The following MARCHF1 variants were observed in gnomAD, a reference collection of about 807,000 sequenced individuals.
The protein encoded by MARCHF1 is E3 ubiquitin-protein ligase MARCHF1.
In MARCHF1, 40 loss-of-function variants were observed where a neutral mutation model predicts 54.2. The observed-to-expected ratio is 0.74, with a 90% CI of 0.57 to 0.96. The LOEUF is 0.96. Ranked by LOEUF, MARCHF1 falls within the 40% of genes least tolerant of loss-of-function variation. The pLI, the probability that MARCHF1 is intolerant of heterozygous loss-of-function variation, is 0.00. For missense variants in MARCHF1, 586 were observed against 656.5 expected (o/e 0.89, Z 1.17); for synonymous variants, 236 against 236.3 (o/e 1.00, Z 0.01).
At chr4:164,020,739 C>G (rs1753644968) in intron 2 of MARCHF1, among the ~76,000 whole-genome samples, 1 of 152,050 alleles carries the variant, frequency 6.6e-6, no homozygotes, top group Non-Finnish European at 1.5e-5. Context: ...GAGAACAGCC[C>G]AGGCAACACG....
chr4:163,543,885 C>T (rs1738805246), intron 9 of MARCHF1, among the ~76,000 whole-genome samples: 2 of 152,110 alleles, frequency 1.3e-5, no homozygotes. Flanking sequence ...AAGAGCTCTG[C>T]AGTTTACTAC....
chr4:163,773,373 T>C (rs1345787853), intron 4 of MARCHF1, among the ~76,000 whole-genome samples: 8 of 152,188 alleles, frequency 5.3e-5, no homozygotes, highest in Admixed American at 5.2e-4. Flanking sequence ...GTGAAATGAA[T>C]ATGAACTAAA....
intron 1 of MARCHF1, among the ~76,000 whole-genome samples, chr4:164,286,986 T>C (rs1734166650): frequency 6.7e-6 from 1 of 149,974 alleles, no homozygotes; most frequent in African/African-American, 2.4e-5. Flanking sequence ...GGTTGAGGTC[T>C]GAGTATTCCT....
intron 4 of MARCHF1, among the ~76,000 whole-genome samples, chr4:163,801,302 T>A (rs1211303821): frequency 6.6e-6 from 1 of 151,912 alleles, no homozygotes; most frequent in East Asian, 1.9e-4. Flanking sequence ...ATCCATAAAT[T>A]TATGACCACA....
chr4:164,089,323 C>A (rs1045646700), intron 2 of MARCHF1, among the ~76,000 whole-genome samples: 1 of 152,022 alleles, frequency 6.6e-6, no homozygotes, highest in Admixed American at 6.6e-5. Context: ...GTCTTCATAT[C>A]TGTACTCATG....
chr4:164,242,825 A>T (rs1391954647), intron 1 of MARCHF1, among the ~76,000 whole-genome samples: 2 of 151,854 alleles, frequency 1.3e-5, no homozygotes, highest in African/African-American at 4.8e-5. Flanking sequence ...GAACTACGTG[A>T]AGAATGCAGA....
chr4:164,052,003 A>T (rs543879313), intron 2 of MARCHF1, among the ~76,000 whole-genome samples: 1 of 152,326 alleles, frequency 6.6e-6, no homozygotes. Context: ...GAATTTATTT[A>T]TCTATCTAGC....
intron 1 of MARCHF1, among the ~76,000 whole-genome samples, chr4:164,210,381 G>C (rs1024605428): frequency 4.6e-5 from 7 of 152,102 alleles, no homozygotes; most frequent in African/African-American, 1.4e-4. Flanking sequence ...TCTAGCATGA[G>C]CAACTCGAAT....
chr4:163,745,618 C>T (rs1338438310), intron 4 of MARCHF1, among the ~76,000 whole-genome samples: 1 of 152,158 alleles, frequency 6.6e-6, no homozygotes, highest in Non-Finnish European at 1.5e-5. Flanking sequence ...ACCTTTTACC[C>T]TCAAACAATA....
At chr4:163,796,156 A>G (rs1012253889) in intron 4 of MARCHF1, among the ~76,000 whole-genome samples, 1 of 151,860 alleles carries the variant, frequency 6.6e-6, no homozygotes, top group Admixed American at 6.6e-5. Context: ...TGTGTTGTTC[A>G]AGGGTCAATT....
At chr4:164,373,898 T>G (rs1731110388) in intron 1 of MARCHF1, among the ~76,000 whole-genome samples, 1 of 152,076 alleles carries the variant, frequency 6.6e-6, no homozygotes, top group Non-Finnish European at 1.5e-5. Context: ...GAGGTAAAAA[T>G]GTAGATTACT....
At chr4:164,332,725 C>T (rs144689068) in intron 1 of MARCHF1, among the ~76,000 whole-genome samples, 33 of 152,144 alleles carry the variant, frequency 2.2e-4, no homozygotes, top group Non-Finnish European at 4.3e-4. Flanking sequence ...CATGATTAAC[C>T]GGGCATCTGT....
chr4:164,105,335 T>C (rs1755667692), intron 2 of MARCHF1, among the ~76,000 whole-genome samples: 1 of 146,144 alleles, frequency 6.8e-6, no homozygotes, highest in African/African-American at 2.5e-5. Context: ...AGAACAAAGC[T>C]GGAGGCATCA....
intron 1 of MARCHF1, among the ~76,000 whole-genome samples, chr4:164,349,620 G>C (rs189935732): frequency 6.6e-6 from 1 of 152,080 alleles, no homozygotes; most frequent in African/African-American, 2.4e-5. Context: ...GAGAGTAAAA[G>C]TTTTCATAAG....
At chr4:163,936,437 A>G (rs1751797105) in intron 3 of MARCHF1, among the ~76,000 whole-genome samples, 2 of 152,188 alleles carry the variant, frequency 1.3e-5, no homozygotes, top group African/African-American at 4.8e-5. Flanking sequence ...GTGCCTGTAT[A>G]TATACTGTTG....
chr4:163,976,078 G>A (rs892925702), intron 3 of MARCHF1, among the ~76,000 whole-genome samples: 10 of 152,150 alleles, frequency 6.6e-5, no homozygotes. Context: ...CTGTTTGGGG[G>A]AAATAAAAGT....
At chr4:163,614,371 G>A (rs1227791138) in intron 5 of MARCHF1, among the ~76,000 whole-genome samples, 1 of 152,018 alleles carries the variant, frequency 6.6e-6, no homozygotes, top group African/African-American at 2.4e-5. Context: ...AAAAATTGGG[G>A]CTGCTTCTCA....
intron 1 of MARCHF1, among the ~76,000 whole-genome samples, chr4:164,292,046 C>T (rs935131396): frequency 6.6e-6 from 1 of 151,964 alleles, no homozygotes; most frequent in Non-Finnish European, 1.5e-5. Context: ...TTTTTTCATA[C>T]TTTATTGAAT....
chr4:164,098,030 T>C (rs753882618), intron 2 of MARCHF1, among the ~76,000 whole-genome samples: 3 of 152,158 alleles, frequency 2.0e-5, no homozygotes, highest in Admixed American at 1.3e-4. Flanking sequence ...CACTAGCTTC[T>C]ACCATGGGAT....
Sources: gnomAD v4.1 joint callset for allele counts (sites outside exome capture counted in the v4.1 genomes callset) on GRCh38, gnomAD v4.1.1 for gene constraint, MANE v1.5 for transcripts, NCBI Gene and HGNC (gene_info 2026-07-23, HGNC 2026-07-21) for gene names.